Variants in COG6 observed in about 807,000 individuals in gnomAD.
The protein encoded by COG6 is component of oligomeric golgi complex 6.
A neutral mutation model predicts 88.8 loss-of-function variants in COG6; 74 were observed. That is an observed-to-expected ratio of 0.83 (90% confidence interval 0.69 to 1.01). The LOEUF (loss-of-function observed/expected upper bound fraction) is 1.01. Among genes scored for constraint, COG6 ranks in the 50% least tolerant of loss-of-function variants. The pLI, the probability that COG6 is intolerant of heterozygous loss-of-function variation, is 0.00. For synonymous variants in COG6, 286 were observed against 278.7 expected, an observed-to-expected ratio of 1.03 and a Z score of -0.26; for missense variants, 800 against 797.9, an observed-to-expected ratio of 1.00 and a Z score of -0.03.
At chr13:39,656,798 C>T (rs182057485) in intron 1 of COG6, 9 of 455,574 alleles carry the variant, frequency 2.0e-5, no homozygotes, top group Middle Eastern at 3.3e-4. Context: ...TTGAGTAAGT[C>T]CCTTCACTAA....
rs557343313 is a variant in COG6, at chr13:39,775,970, T to C, written c.1827-12365T>C. Among the ~76,000 whole-genome samples, 12 of 152,246 alleles carry C rather than the reference T, an allele frequency of 7.9e-5. No individual in the cohort carries two copies. The South Asian group carries it at 2.1e-3, about 26-fold the overall frequency. ...TTTTAATAGAGATGGGGTTTCTCCA[T>C]GTTGGTCAGTCTGGTCTCGAACTCC... On this transcript the variant is annotated intron_variant, in intron 18 of 18. Transcript: ENST00000416691.
chr13:39,748,898 A>G (rs1215150788), intron 18 of COG6, among the ~76,000 whole-genome samples: 2 of 152,192 alleles, frequency 1.3e-5, no homozygotes, highest in Non-Finnish European at 2.9e-5. Context: ...TTCTTTCCTT[A>G]TTCCATCCAA....
chr13:39,674,515 TTAAA>T (rs946168452), intron 4 of COG6, among the ~76,000 whole-genome samples: 1 of 152,108 alleles, frequency 6.6e-6, no homozygotes, highest in African/African-American at 2.4e-5. Context: ...TCCGTTTATT[TTAAA>T]TACTTAGGCA....
At position 39,727,555 on chromosome 13, in the gene COG6, A is replaced by T. The variant is rs774542685; in HGVS notation, c.1826+7A>T. Reference sequence around the variant, plus strand: ...TTCTAAGTGCCACAGTGAAGTAAGTATTTTTGGTCCCAAGTAGTTGGTAAA... The same window carrying T: ...TTCTAAGTGCCACAGTGAAGTAAGTTTTTTTGGTCCCAAGTAGTTGGTAAA... On this transcript the variant is annotated splice_region_variant and intron_variant, in intron 18 of 18. Coordinates refer to ENST00000455146, the MANE Select transcript of COG6 (RefSeq NM_020751.3). The T allele has an allele frequency of 4.4e-6, 7 of 1,603,672 alleles. No individual in the cohort carries two copies. The African/African-American group carries it at 6.7e-5, about 15-fold the overall frequency.
At chr13:39,662,464 G>A (rs7999758) in intron 3 of COG6, among the ~76,000 whole-genome samples, 100,396 of 151,896 alleles carry the variant, frequency 0.66, 33,403 homozygotes, top group Admixed American at 0.77. Context: ...CTCACATCCT[G>A]TTTTTTCTTC....
At chr13:39,666,150 T>C (rs1158326937) in intron 4 of COG6, among the ~76,000 whole-genome samples, 1 of 152,220 alleles carries the variant, frequency 6.6e-6, no homozygotes, top group African/African-American at 2.4e-5. Flanking sequence ...TCAAGATCAA[T>C]GGGTTGTAAA....
At chr13:39,744,426 G>C (rs1273763750) in intron 18 of COG6, among the ~76,000 whole-genome samples, 1 of 152,110 alleles carries the variant, frequency 6.6e-6, no homozygotes, top group South Asian at 2.1e-4. Flanking sequence ...CAAAATCAAT[G>C]TGCAAAAATC....
chr13:39,748,268 A>T lies in COG6; in HGVS notation c.1827-2678A>T, dbSNP rs558986813. 2.0e-5 allele frequency among the ~76,000 whole-genome samples: 3 copies of T among 152,268 alleles called. No individual in the cohort carries two copies. The South Asian group carries it at 6.2e-4, about 32-fold the overall frequency. On this transcript the variant is annotated intron_variant, in intron 18 of 18. Transcript: ENST00000455146. ...AATAATTTTTGCATTATTTTGTTAC[A>T]TTCATTGTCAAGCAAATTTAATTAC...
intron 18 of COG6, among the ~76,000 whole-genome samples, chr13:39,787,638 A>G (rs1881815719): frequency 6.6e-6 from 1 of 152,184 alleles, no homozygotes; most frequent in Non-Finnish European, 1.5e-5. Context: ...ACATATATAC[A>G]CATACAACAC....
chr13:39,669,059 G>A (rs541542788), intron 4 of COG6, among the ~76,000 whole-genome samples: 1 of 152,292 alleles, frequency 6.6e-6, no homozygotes, highest in East Asian at 1.9e-4. Flanking sequence ...GTGTCCTGTT[G>A]GTGGGTGGAC....
At chr13:39,775,235 C>T (rs910516719) in intron 18 of COG6, among the ~76,000 whole-genome samples, 1 of 151,422 alleles carries the variant, frequency 6.6e-6, no homozygotes, top group African/African-American at 2.4e-5. Context: ...TCTCAGTTTC[C>T]TCATTGGTCA....
rs1302616982 is a variant in COG6, at chr13:39,751,774, A to G, written c.*681A>G. ...AAGGAGAGAGAAAAGTGATTTAAAC[A>G]GGGTGGATTCCACTCTGTGGGAGCC... On this transcript the variant is annotated 3_prime_UTR_variant, in exon 19 of 19. Coordinates refer to ENST00000455146, the MANE Select transcript of COG6 (RefSeq NM_020751.3). 1 of 1,287,196 alleles carries G rather than the reference A, an allele frequency of 7.8e-7. No homozygotes were observed. Among genetic ancestry groups the G allele is most frequent in the East Asian group, 5.5e-5 (1 of 18,026 alleles). 79.7% of individuals were successfully genotyped at this position (1,287,196 alleles called of 1,614,324 possible).
chr13:39,757,872 G>C (rs938620949), intron 18 of COG6, among the ~76,000 whole-genome samples: 1 of 152,074 alleles, frequency 6.6e-6, no homozygotes, highest in Non-Finnish European at 1.5e-5. Context: ...GTTCAAACCC[G>C]TATTGCTCAA....
At chr13:39,709,688 G>A (rs887226440) in intron 13 of COG6, among the ~76,000 whole-genome samples, 1 of 151,922 alleles carries the variant, frequency 6.6e-6, no homozygotes. Context: ...GTATATGTGT[G>A]GTGTGTGTGT....
At chr13:39,787,935 A>G (rs1039843158) in intron 18 of COG6, among the ~76,000 whole-genome samples, 1 of 152,194 alleles carries the variant, frequency 6.6e-6, no homozygotes, top group African/African-American at 2.4e-5. Flanking sequence ...CCAATCCCCC[A>G]TGGATAGTGA....
At chr13:39,737,343 G>A (rs568534381) in intron 18 of COG6, among the ~76,000 whole-genome samples, 16 of 152,102 alleles carry the variant, frequency 1.1e-4, no homozygotes, top group African/African-American at 3.9e-4. Flanking sequence ...TTCCCTCAAG[G>A]TCCAAGGGCT....
exon 19 of COG6, chr13:39,788,504 C>A: frequency 1.4e-6 from 1 of 699,318 alleles, no homozygotes. Context: ...TGTGACTCTT[C>A]ATCTGGTGGA....
chr13:39,669,617 A>G (rs374262283), intron 4 of COG6, among the ~76,000 whole-genome samples: 19 of 152,362 alleles, frequency 1.2e-4, no homozygotes, highest in South Asian at 6.2e-4. Context: ...CTATAATGTT[A>G]GGAAAGGAAC....
At position 39,655,712 on chromosome 13, in the gene COG6, G is replaced by A; in HGVS notation, c.-15G>A. 9 of 1,584,364 alleles carry A rather than the reference G, an allele frequency of 5.7e-6. No homozygotes were observed. Among genetic ancestry groups the A allele is most frequent in the Non-Finnish European group, 7.7e-6 (9 of 1,164,514 alleles). Reference sequence around the variant, plus strand: ...CCTGGCTGAGGTGGCAGCAGGGGGCGGGACGCGCAGCGCTATGGCAGAGGG... The same window carrying A: ...CCTGGCTGAGGTGGCAGCAGGGGGCAGGACGCGCAGCGCTATGGCAGAGGG... On this transcript the variant is annotated 5_prime_UTR_variant, in exon 1 of 19. Transcript: ENST00000455146.
Sources: gnomAD v4.1 joint callset for allele counts (sites outside exome capture counted in the v4.1 genomes callset) on GRCh38, gnomAD v4.1.1 for gene constraint, MANE v1.5 for transcripts, NCBI Gene and HGNC (gene_info 2026-07-23, HGNC 2026-07-21) for gene names.